The following CNKSR2 variants were observed in gnomAD, a reference collection of about 807,000 sequenced individuals.
The protein encoded by CNKSR2 is CNK homolog protein 2.
Under a neutral mutation model 84.4 loss-of-function variants are expected in CNKSR2, and 14 were observed. The observed-to-expected ratio is 0.17, with a 90% CI of 0.11 to 0.26. CNKSR2 has a LOEUF of 0.26. CNKSR2 is among the 10% of genes least tolerant of loss of function. The pLI, the probability that CNKSR2 is intolerant of heterozygous loss-of-function variation, is 1.00. For missense variants in CNKSR2, 485 were observed against 771.2 expected (o/e 0.63, Z 4.40); for synonymous variants, 275 against 277.9 (o/e 0.99, Z 0.10).
At chrX:21,518,502 A>G (rs2091751379) in intron 9 of CNKSR2, among the ~76,000 whole-genome samples, 1 of 111,911 alleles carries the variant, frequency 8.9e-6, no homozygotes, top group Admixed American at 9.5e-5. Context: ...TCTTTTCCAC[A>G]TGCACAAACT....
At chrX:21,489,337 G>T (rs2091419353) in intron 5 of CNKSR2, among the ~76,000 whole-genome samples, 1 of 111,558 alleles carries the variant, frequency 9.0e-6, no homozygotes, top group South Asian at 3.8e-4. Flanking sequence ...GGTTAACACT[G>T]TCTACCTCAC....
chrX:21,387,771 A>G (rs1359607530), intron 1 of CNKSR2, among the ~76,000 whole-genome samples: 4 of 111,843 alleles, frequency 3.6e-5, no homozygotes, highest in Non-Finnish European at 7.5e-5. Context: ...ACCTAGTCAC[A>G]TAATTTTTTT....
chrX:21,582,074 A>G (rs1224027548), intron 13 of CNKSR2, among the ~76,000 whole-genome samples: 1 of 111,502 alleles, frequency 9.0e-6, no homozygotes, highest in African/African-American at 3.3e-5. Flanking sequence ...ATCTCTGTCT[A>G]CTTAGGCTGG....
intron 18 of CNKSR2, among the ~76,000 whole-genome samples, chrX:21,603,298 C>T (rs1034460470): frequency 3.6e-5 from 4 of 112,163 alleles, no homozygotes; most frequent in Non-Finnish European, 7.5e-5. Flanking sequence ...ACATATTAGA[C>T]TTCTTACCTC....
chrX:21,416,450 A>G (rs1171269856), intron 1 of CNKSR2, among the ~76,000 whole-genome samples: 2 of 111,305 alleles, frequency 1.8e-5, no homozygotes, highest in East Asian at 5.6e-4. Context: ...TACTTGCCTC[A>G]TGTAATGAGT....
chrX:21,651,018 G>C (rs1386246677), intron 21 of CNKSR2, among the ~76,000 whole-genome samples: 1 of 111,517 alleles, frequency 9.0e-6, no homozygotes, highest in Admixed American at 9.5e-5. Context: ...TTTTGAAGCA[G>C]GTTAGATTCA....
At chrX:21,401,675 G>A (rs770301317) in intron 1 of CNKSR2, among the ~76,000 whole-genome samples, 3 of 111,718 alleles carry the variant, frequency 2.7e-5, no homozygotes, top group East Asian at 2.8e-4. Flanking sequence ...TTTAAGAATC[G>A]GTCAGAGCAA....
intron 20 of CNKSR2, among the ~76,000 whole-genome samples, chrX:21,623,967 A>G (rs1015973330): frequency 1.8e-5 from 2 of 111,803 alleles, no homozygotes; most frequent in African/African-American, 6.5e-5. Flanking sequence ...GAGACAGCCA[A>G]ATTACACAAA....
intron 1 of CNKSR2, among the ~76,000 whole-genome samples, chrX:21,375,285 G>A (rs1471723764): frequency 1.8e-5 from 2 of 112,652 alleles, no homozygotes; most frequent in East Asian, 5.6e-4. Flanking sequence ...CCAGGAGGAC[G>A]TGGCGACCCT....
chrX:21,535,891 T>G lies in CNKSR2; in HGVS notation c.1303+3824T>G, dbSNP rs558989001. ...CTTATCTAATTTCTCTGGTTAGCAT[T>G]TCCAGTACTATGTTAAATAGGAGTT... is the stretch of plus-strand genomic sequence containing the variant. On this transcript the variant is annotated intron_variant, in intron 11 of 21. Coordinates refer to ENST00000379510, the MANE Select transcript of CNKSR2 (RefSeq NM_014927.5). Among the ~76,000 whole-genome samples, 21 of 111,737 alleles carry G rather than the reference T, an allele frequency of 1.9e-4. No individual in the cohort carries two copies. In the South Asian group the frequency reaches 7.7e-3, roughly 41 times the overall value.
intron 4 of CNKSR2, among the ~76,000 whole-genome samples, chrX:21,446,707 T>C (rs1356173538): frequency 9.0e-6 from 1 of 111,292 alleles, no homozygotes; most frequent in Non-Finnish European, 1.9e-5. Flanking sequence ...CAAAGCGCTT[T>C]TAAAGATATT....
chrX:21,400,457 G>A (rs1601738377), intron 1 of CNKSR2, among the ~76,000 whole-genome samples: 2 of 110,877 alleles, frequency 1.8e-5, no homozygotes, highest in African/African-American at 6.5e-5. Context: ...AGCAGTATCT[G>A]AATTTCTGAA....
chrX:21,462,190 G>A (rs923466324), intron 4 of CNKSR2, among the ~76,000 whole-genome samples: 2 of 111,398 alleles, frequency 1.8e-5, no homozygotes, highest in African/African-American at 3.3e-5. Flanking sequence ...TCATTTTTTG[G>A]TGGCTTCTTC....
intron 5 of CNKSR2, among the ~76,000 whole-genome samples, chrX:21,480,775 T>C (rs2091310545): frequency 8.9e-6 from 1 of 112,202 alleles, no homozygotes; most frequent in African/African-American, 3.2e-5. Flanking sequence ...CATTTGGGAC[T>C]GACATTTTCT....
intron 5 of CNKSR2, among the ~76,000 whole-genome samples, chrX:21,484,922 G>A (rs2091364528): frequency 9.0e-6 from 1 of 111,547 alleles, no homozygotes; most frequent in Admixed American, 9.5e-5. Context: ...GGTGGCTCAC[G>A]CCTGTAATCT....
At chrX:21,431,832 T>C (rs2147066027) in intron 2 of CNKSR2, among the ~76,000 whole-genome samples, 1 of 111,840 alleles carries the variant, frequency 8.9e-6, no homozygotes, top group East Asian at 2.8e-4. Flanking sequence ...ATAGATAAGA[T>C]ATTTAGGATG....
At chrX:21,449,988 A>T (rs1347660663) in intron 4 of CNKSR2, among the ~76,000 whole-genome samples, 2 of 112,217 alleles carry the variant, frequency 1.8e-5, no homozygotes, top group African/African-American at 6.5e-5. Flanking sequence ...GTATAACATT[A>T]TACTAGAATT....
chrX:21,378,614 T>G (rs972049629), intron 1 of CNKSR2, among the ~76,000 whole-genome samples: 1 of 111,261 alleles, frequency 9.0e-6, no homozygotes, highest in African/African-American at 3.3e-5. Flanking sequence ...ACTTTATTAT[T>G]AATTTTCCTA....
intron 13 of CNKSR2, among the ~76,000 whole-genome samples, chrX:21,566,557 A>G (rs1443978901): frequency 8.9e-6 from 1 of 111,882 alleles, no homozygotes; most frequent in African/African-American, 3.2e-5. Flanking sequence ...ATAGGACTTA[A>G]GTGGAAGAGG....
Sources: allele counts gnomAD v4.1 joint callset (sites outside exome capture counted in the v4.1 genomes callset), GRCh38; gene constraint gnomAD v4.1.1; transcripts MANE v1.5; gene names NCBI Gene and HGNC (gene_info 2026-07-23, HGNC 2026-07-21).